STIM1: variants seen among roughly 807,000 people sequenced by gnomAD.
STIM1 encodes the protein stromal interaction molecule 1.
Under a neutral mutation model 74.7 loss-of-function variants are expected in STIM1, and 25 were observed. The observed-to-expected ratio is 0.33, with a 90% CI of 0.24 to 0.47. The LOEUF is 0.47. Ranked by LOEUF, STIM1 falls within the 20% of genes least tolerant of loss-of-function variation. STIM1 has a pLI of 1.00. For missense variants in STIM1, 728 were observed against 920.8 expected, an observed-to-expected ratio of 0.79 and a Z score of 2.71; for synonymous variants, 328 against 348.8, an observed-to-expected ratio of 0.94 and a Z score of 0.66.
intron 1 of STIM1, among the ~76,000 whole-genome samples, chr11:3,926,666 T>C (rs2092792593): frequency 6.6e-6 from 1 of 152,218 alleles, no homozygotes; most frequent in African/African-American, 2.4e-5. Context: ...AGCAAAGCCT[T>C]ACTCAGATGC....
chr11:3,963,624 GTATTCATTTTAAA>G (rs1337916010), intron 1 of STIM1, among the ~76,000 whole-genome samples: 1 of 152,022 alleles, frequency 6.6e-6, no homozygotes, highest in Non-Finnish European at 1.5e-5. Flanking sequence ...TAATATTTAG[GTATTCATTTTAAA>G]AAAACATTTA....
At chr11:3,907,195 G>A (rs1447242376) in intron 1 of STIM1, among the ~76,000 whole-genome samples, 2 of 152,212 alleles carry the variant, frequency 1.3e-5, no homozygotes, top group East Asian at 1.9e-4. Flanking sequence ...GGGAAAAAAC[G>A]AACAAAACGG....
intron 4 of STIM1, among the ~76,000 whole-genome samples, chr11:4,057,382 G>A (rs1209034697): frequency 1.3e-5 from 2 of 152,184 alleles, no homozygotes; most frequent in East Asian, 3.8e-4. Context: ...TCAAGCTGTG[G>A]CACCTTAGTG....
At chr11:3,921,010 G>A (rs894342765) in intron 1 of STIM1, among the ~76,000 whole-genome samples, 8 of 152,076 alleles carry the variant, frequency 5.3e-5, no homozygotes, top group Non-Finnish European at 8.8e-5. Context: ...TGACCAGGCT[G>A]GTTTTGAACT....
chr11:4,081,963 A>G (rs766417436), intron 7 of STIM1, among the ~76,000 whole-genome samples: 49 of 152,222 alleles, frequency 3.2e-4, no homozygotes, highest in Non-Finnish European at 6.3e-4. Flanking sequence ...GAACAGAAAC[A>G]TCTCAATTTG....
chr11:3,973,325 A>C (rs112759423), intron 2 of STIM1: 5 of 451,404 alleles, frequency 1.1e-5, no homozygotes, highest in Non-Finnish European at 2.2e-5. Context: ...CTCTTTGGCT[A>C]GATGAAACAC....
chr11:4,037,257 T>A (rs771820154), intron 3 of STIM1, among the ~76,000 whole-genome samples: 221 of 152,274 alleles, frequency 1.5e-3, no homozygotes, highest in Non-Finnish European at 2.6e-3. Flanking sequence ...GGTTTCACCA[T>A]GTTGACTGGT....
intron 1 of STIM1, among the ~76,000 whole-genome samples, chr11:3,864,190 A>G: frequency 6.6e-6 from 1 of 151,720 alleles, no homozygotes; most frequent in East Asian, 1.9e-4. Context: ...GAGTATAACC[A>G]CCTCCCTAGC....
intron 1 of STIM1, among the ~76,000 whole-genome samples, chr11:3,856,725 G>T (rs1360720247): frequency 1.3e-5 from 2 of 152,214 alleles, no homozygotes; most frequent in Non-Finnish European, 2.9e-5. Context: ...TTGTCTGGAA[G>T]AATGGCCTGG....
At chr11:4,065,601 G>A (rs1448554789) in intron 5 of STIM1, among the ~76,000 whole-genome samples, 1 of 152,086 alleles carries the variant, frequency 6.6e-6, no homozygotes, top group Non-Finnish European at 1.5e-5. Flanking sequence ...TAAGTGCTGG[G>A]AGATGTGTGC....
rs567233595 is a variant in STIM1, at chr11:3,923,128, G to T, written c.140-44424G>T. Among the ~76,000 whole-genome samples the T allele has an allele frequency of 8.0e-5, 12 of 150,256 alleles. No homozygotes were observed. The South Asian group carries it at 2.1e-3, about 26-fold the overall frequency. ...AAAAAAAAAAAAACAAACACTCTTT[G>T]CCTATTCCAAGTTCATAATGATTTC... On this transcript the variant is annotated intron_variant, in intron 1 of 12. Transcript: ENST00000526596.
At chr11:4,065,396 T>G (rs936096621) in intron 5 of STIM1, among the ~76,000 whole-genome samples, 3 of 152,208 alleles carry the variant, frequency 2.0e-5, no homozygotes, top group Admixed American at 1.3e-4. Context: ...TTCTCCAGGA[T>G]GTTTTTCCAT....
intron 12 of STIM1, chr11:4,089,159 G>C (rs2094509461): frequency 4.7e-6 from 1 of 214,090 alleles, no homozygotes; most frequent in African/African-American, 2.2e-5. Flanking sequence ...GGAGGTCAAG[G>C]CTGCAGTGAG....
At chr11:3,980,610 TAAA>T (rs34722747) in intron 2 of STIM1, among the ~76,000 whole-genome samples, 11 of 126,450 alleles carry the variant, frequency 8.7e-5, no homozygotes, top group Non-Finnish European at 1.1e-4. Flanking sequence ...CCCATCTCTT[TAAA>T]AAAAAAAAAA....
At chr11:4,029,749 G>A (rs573119632) in intron 3 of STIM1, among the ~76,000 whole-genome samples, 1 of 152,304 alleles carries the variant, frequency 6.6e-6, no homozygotes, top group South Asian at 2.1e-4. Context: ...ACTGAAGTAA[G>A]CAGGTAAATA....
chr11:3,886,706 A>G (rs1407042567), intron 1 of STIM1, among the ~76,000 whole-genome samples: 2 of 125,316 alleles, frequency 1.6e-5, no homozygotes, highest in Non-Finnish European at 3.6e-5. Flanking sequence ...AAAAAAAAAA[A>G]AAAAAGGTCT....
chr11:4,048,309 T>TC, intron 3 of STIM1, among the ~76,000 whole-genome samples: 1 of 152,266 alleles, frequency 6.6e-6, no homozygotes, highest in Non-Finnish European at 1.5e-5. Flanking sequence ...TGACTTAAAT[T>TC]ATTTTTATTA....
intron 2 of STIM1, among the ~76,000 whole-genome samples, chr11:3,975,071 A>G (rs2093433643): frequency 1.3e-5 from 2 of 152,208 alleles, no homozygotes; most frequent in Non-Finnish European, 1.5e-5. Flanking sequence ...TACAAAACAG[A>G]TAAGATCCCT....
In STIM1 at chr11:3,891,358, C is replaced by T. The variant is rs578114276; in HGVS notation, c.139+34949C>T. On this transcript the variant is annotated intron_variant, in intron 1 of 12. Transcript: ENST00000526596. ...AGGCTGGAGTGCAGTGGCACGATCT[C>T]GGCTCACTGCAACCTCTGCCTCCTG... Among the ~76,000 whole-genome samples the T allele has an allele frequency of 5.9e-5, 9 of 151,714 alleles. No homozygotes were observed. The South Asian group carries it at 1.0e-3, about 18-fold the overall frequency.
Sources: gnomAD v4.1 joint callset for allele counts (sites outside exome capture counted in the v4.1 genomes callset) on GRCh38, gnomAD v4.1.1 for gene constraint, MANE v1.5 for transcripts, NCBI Gene and HGNC (gene_info 2026-07-23, HGNC 2026-07-21) for gene names.